Variants in IMPA1 observed in about 807,000 individuals in gnomAD.
IMPA1 encodes D-galactose 1-phosphate phosphatase.
In IMPA1, 21 loss-of-function variants were observed where a neutral mutation model predicts 34.9. The observed-to-expected ratio is 0.60, with a 90% CI of 0.43 to 0.87. The LOEUF is 0.87. Ranked by LOEUF, IMPA1 falls within the 40% of genes least tolerant of loss-of-function variation. The probability of loss-of-function intolerance (pLI) is 0.00; values close to 1 mark genes in which losing one functional copy is unlikely to be tolerated. For missense variants in IMPA1, 299 were observed against 336.4 expected (o/e 0.89, Z 0.87); for synonymous variants, 95 against 104.4 (o/e 0.91, Z 0.55).
chr8:81,674,259 C>A, intron 5 of IMPA1: 1 of 237,144 alleles, frequency 4.2e-6, no homozygotes, highest in Non-Finnish European at 8.2e-6. Context: ...GACTCCTACC[C>A]TCACATACAT....
intron 7 of IMPA1, among the ~76,000 whole-genome samples, chr8:81,668,862 T>A (rs28820426): frequency 6.6e-6 from 1 of 152,092 alleles, no homozygotes; most frequent in African/African-American, 2.4e-5. Context: ...AATGGTTTCA[T>A]GGAACAGGCC....
At chr8:81,677,097 ATTT>A (rs201175205) in intron 4 of IMPA1, among the ~76,000 whole-genome samples, 1 of 145,924 alleles carries the variant, frequency 6.9e-6, no homozygotes, top group African/African-American at 2.5e-5. Context: ...TATTTTAGTG[ATTT>A]TTTTTTTTTT....
In IMPA1 at chr8:81,680,870, T is replaced by G. The variant is rs1194929311; in HGVS notation, c.64-87A>C. 5 of 950,868 alleles carry G rather than the reference T, an allele frequency of 5.3e-6. No homozygotes were observed. In the East Asian group the frequency reaches 1.2e-4, roughly 23 times the overall value. The allele number at this position is 950,868 out of a possible 1,614,324, so 58.9% of individuals were successfully genotyped here. ...CATAAATGGTTTAAGACATTCAATC[T>G]GTCTTAAATAATATTCTTTAAAGAC... On this transcript the variant is annotated intron_variant, in intron 2 of 8. Coordinates refer to ENST00000256108, the MANE Select transcript of IMPA1 (RefSeq NM_005536.4).
chr8:81,676,840 G>A (rs186282081), intron 4 of IMPA1, among the ~76,000 whole-genome samples: 38 of 152,020 alleles, frequency 2.5e-4, no homozygotes, highest in South Asian at 6.2e-4. Flanking sequence ...AAAAAGTCAC[G>A]AAATTATCTG....
rs112896692 is a variant in IMPA1 at position 81,659,547 on chromosome 8, T to C, written c.719-81A>G. 389 of 748,550 alleles carry C rather than the reference T, an allele frequency of 5.2e-4. 7 individuals carry two copies. The African/African-American group carries it at 5.9e-3, about 11-fold the overall frequency. The allele number at this position is 748,550 out of a possible 1,614,324, so 46.4% of individuals were successfully genotyped here. A position where few individuals can be genotyped will look rare whatever the true frequency, so the allele number is the denominator to read the frequency against. Reference sequence around the variant, plus strand: ...AAAACAAGTATAGCAATATGTACTATGGTCACATAACATTTTAATACTTTC... The same window carrying C: ...AAAACAAGTATAGCAATATGTACTACGGTCACATAACATTTTAATACTTTC... On this transcript the variant is annotated intron_variant, in intron 8 of 8. Transcript: ENST00000256108.
chr8:81,685,884 G>A (rs1208852992), intron 1 of IMPA1: 6 of 1,548,372 alleles, frequency 3.9e-6, no homozygotes, highest in Non-Finnish European at 5.2e-6. Context: ...CACCGCGACT[G>A]CGGGCAGCAC....
At chr8:81,684,962 TGTATA>T (rs1441751976) in intron 1 of IMPA1, among the ~76,000 whole-genome samples, 1 of 128,658 alleles carries the variant, frequency 7.8e-6, no homozygotes, top group Non-Finnish European at 1.6e-5. Context: ...TTAGATACTA[TGTATA>T]GTATATATAC....
chr8:81,680,395 G>A (rs1033170045), intron 3 of IMPA1, among the ~76,000 whole-genome samples: 1 of 152,136 alleles, frequency 6.6e-6, no homozygotes, highest in African/African-American at 2.4e-5. Context: ...CTGTGAAGAG[G>A]CTACATGGTA....
intron 7 of IMPA1, among the ~76,000 whole-genome samples, chr8:81,670,451 GTTCT>G (rs1353855427): frequency 2.6e-5 from 4 of 151,958 alleles, no homozygotes; most frequent in African/African-American, 7.3e-5. Context: ...TAAAATCCTG[GTTCT>G]TTGAGAAAAA....
chr8:81,659,739 A>C (rs1806608537), intron 8 of IMPA1, among the ~76,000 whole-genome samples: 1 of 152,182 alleles, frequency 6.6e-6, no homozygotes, highest in Admixed American at 6.5e-5. Flanking sequence ...TTATTGTTTA[A>C]GAATCTATGG....
chr8:81,684,843 T>G (rs397833774), intron 1 of IMPA1, among the ~76,000 whole-genome samples: 8 of 139,086 alleles, frequency 5.8e-5, no homozygotes, highest in Non-Finnish European at 9.1e-5. Context: ...TATCTATGTG[T>G]AGTATATATA....
At chr8:81,674,983 C>T (rs1206050505) in intron 5 of IMPA1, among the ~76,000 whole-genome samples, 2 of 152,226 alleles carry the variant, frequency 1.3e-5, no homozygotes, top group East Asian at 1.9e-4. Flanking sequence ...AGTTCACCCA[C>T]ACCCCAGTAT....
chr8:81,675,650 A>G (rs183447508), intron 5 of IMPA1, among the ~76,000 whole-genome samples: 12 of 152,352 alleles, frequency 7.9e-5, no homozygotes, highest in Admixed American at 1.3e-4. Context: ...TTCCTTGAAG[A>G]TAGGTAGGTA....
intron 7 of IMPA1, among the ~76,000 whole-genome samples, chr8:81,667,276 A>C (rs1806856500): frequency 6.6e-6 from 1 of 152,232 alleles, no homozygotes; most frequent in Non-Finnish European, 1.5e-5. Flanking sequence ...GGTTTCAGAA[A>C]GTAGAACTGT....
Position 81,659,446 on chromosome 8 carries a change from A to C in IMPA1, c.739T>G (p.Ser247Ala), listed in dbSNP as rs749781827. The change falls in exon 9 of 9, where the codon TCA becomes GCA. Residue 247 changes from serine to alanine, a missense_variant. Physicochemically the swap from Ser to Ala is moderately conservative, Grantham distance 99 (BLOSUM62 1). Transcript: ENST00000256108. ...TTATTTGCAGCAATTACTCTTCGTG[A>C]CATCAAATCAAATGGTCCACCTAAA... ...DVTGGPFDLM[S>A]RRVIAANNRI... The C allele has an allele frequency of 6.2e-7, 1 of 1,605,002 alleles. No individual in the cohort carries two copies. The highest frequency in any genetic ancestry group is 1.1e-5 in the South Asian group (1 of 90,848).
chr8:81,679,374 G>C, intron 3 of IMPA1, 144 bp from the exon 4 acceptor site: 1 of 608,744 alleles, frequency 1.6e-6, no homozygotes, highest in Non-Finnish European at 3.0e-6. Flanking sequence ...AGCACTTTGG[G>C]AGGCCAGGGA....
chr8:81,657,307 T>C lies in IMPA1; in HGVS notation c.*2044A>G, dbSNP rs1268444201. ...CAACACAAAAACCTCTAAAAGTATG[T>C]TGGGTGCAATGGCTCACATCTGTAA... On this transcript the variant is annotated 3_prime_UTR_variant, in exon 9 of 9. Transcript: ENST00000256108. Among the ~76,000 whole-genome samples the C allele has an allele frequency of 6.6e-6, 1 of 152,184 alleles. No homozygotes were observed. Among genetic ancestry groups the C allele is most frequent in the Non-Finnish European group, 1.5e-5 (1 of 68,028 alleles).
intron 4 of IMPA1, among the ~76,000 whole-genome samples, chr8:81,678,286 A>C (rs1391528427): frequency 6.6e-6 from 1 of 151,950 alleles, no homozygotes; most frequent in Non-Finnish European, 1.5e-5. Context: ...CCTGGACTGA[A>C]CTCATTCTAT....
At chr8:81,671,367 T>C (rs558354421) in intron 6 of IMPA1, among the ~76,000 whole-genome samples, 1 of 152,040 alleles carries the variant, frequency 6.6e-6, no homozygotes, top group African/African-American at 2.4e-5. Flanking sequence ...ATGTATAGAT[T>C]TGGAAGAAAA....
Sources: allele counts gnomAD v4.1 joint callset (sites outside exome capture counted in the v4.1 genomes callset), GRCh38; gene constraint gnomAD v4.1.1; transcripts MANE v1.5; gene names NCBI Gene and HGNC (gene_info 2026-07-23, HGNC 2026-07-21).